Variants in HAUS1 observed in about 807,000 individuals in gnomAD.
HAUS1 encodes HAUS augmin-like complex subunit 1.
HAUS1 carries 25 observed loss-of-function variants against 38.6 expected under a neutral mutation model. The observed-to-expected ratio is 0.65, with a 90% CI of 0.47 to 0.91. The LOEUF (loss-of-function observed/expected upper bound fraction) is 0.91. Among genes scored for constraint, HAUS1 ranks in the 40% least tolerant of loss-of-function variants. The pLI, the probability that HAUS1 is intolerant of heterozygous loss-of-function variation, is 0.00. For synonymous variants in HAUS1, 109 were observed against 112.9 expected, an observed-to-expected ratio of 0.97 and a Z score of 0.22; for missense variants, 325 against 328.4, an observed-to-expected ratio of 0.99 and a Z score of 0.08.
chr18:46,114,565 T>C (rs1260956030), intron 2 of HAUS1, among the ~76,000 whole-genome samples: 1 of 152,172 alleles, frequency 6.6e-6, no homozygotes, highest in Non-Finnish European at 1.5e-5. Context: ...CAGCTTGCCT[T>C]ACTCAAGGAG....
At chr18:46,126,415 TGGA>T (rs1912106523) in intron 8 of HAUS1, among the ~76,000 whole-genome samples, 1 of 152,148 alleles carries the variant, frequency 6.6e-6, no homozygotes, top group African/African-American at 2.4e-5. Flanking sequence ...AGCTGAAACA[TGGA>T]GGACTTACTC....
rs1353166569 is a variant in HAUS1, at chr18:46,128,107, A to T, written c.819A>T (p.Val273=). 1 of 1,591,424 alleles carries T rather than the reference A, an allele frequency of 6.3e-7. No individual in the cohort carries two copies. The highest frequency in any genetic ancestry group is 8.5e-7 in the Non-Finnish European group (1 of 1,171,136). The change falls in exon 9 of 9, where the codon GTA becomes GTT. Residue 273 remains valine (V), a synonymous_variant. Coordinates refer to ENST00000282058, the MANE Select transcript of HAUS1 (RefSeq NM_138443.4). The stretch of plus-strand genomic sequence containing the variant: ...TTGAAGCTGAACTTACAAGAAGAGT[A>T]GACATGATGGAACTGTGACAAAAGC... ...DSIEAELTRR[V]DMMEL
At chr18:46,111,681 C>T (rs1031388010) in intron 2 of HAUS1, among the ~76,000 whole-genome samples, 1 of 151,716 alleles carries the variant, frequency 6.6e-6, no homozygotes, top group Non-Finnish European at 1.5e-5. Flanking sequence ...TGGTCTTGAA[C>T]CCCTGACCTC....
chr18:46,126,012 C>CA (rs1568267347), intron 8 of HAUS1: 1 of 358,508 alleles, frequency 2.8e-6, no homozygotes, highest in Non-Finnish European at 5.1e-6. Context: ...CACAGTGGCT[C>CA]ACACCTGTAA....
At position 46,118,304 on chromosome 18, in the gene HAUS1, C is replaced by A; in HGVS notation, c.329C>A (p.Thr110Asn). The change falls in exon 3 of 9, where the codon ACC (threonine) becomes AAC (asparagine). Residue 110 changes from threonine to asparagine, a missense_variant. Transcript: ENST00000282058. ...GCGGTGGCCCTTGAAACAAAGGATA[C>A]CTCGCTAGCTAGGTAATTCTTATGA... ...DSAVALETKD[T>N]SLASFIPAVN... 6.2e-7 allele frequency: 1 copy of A among 1,613,532 alleles called. No homozygotes were observed. Among genetic ancestry groups the A allele is most frequent in the South Asian group, 1.1e-5 (1 of 91,048 alleles).
intron 2 of HAUS1, among the ~76,000 whole-genome samples, chr18:46,108,244 C>G (rs371304445): frequency 4.0e-5 from 6 of 151,190 alleles, no homozygotes; most frequent in Middle Eastern, 3.5e-3. Context: ...TTGTAGACAC[C>G]CTTTGTCAAT....
In HAUS1 at chr18:46,104,417, G is replaced by T. The variant is rs1201445148; in HGVS notation, c.6G>T (p.Glu2Asp). 6.8e-7 allele frequency: 1 copy of T among 1,463,154 alleles called. No homozygotes were observed. The highest frequency in any genetic ancestry group is 1.4e-5 in the South Asian group (1 of 72,492). 90.6% of individuals were successfully genotyped at this position (1,463,154 alleles called of 1,614,324 possible). Residue 2 changes from glutamate (E) to aspartate (D), a missense_variant, in exon 1 of 9, where the codon GAG becomes GAT. Physicochemically the swap from Glu to Asp is conservative, Grantham distance 45. Transcript: ENST00000282058. M[E>D]PQEERETQVA... is the part of the protein sequence containing the mutation. The stretch of plus-strand genomic sequence containing the variant: ...AAGTGGCGGGAGCCGCAGCTATGGA[G>T]CCGCAGGAGGAGAGAGAAACGCAGG...
intron 7 of HAUS1, 123 bp from the exon 8 acceptor site, chr18:46,125,621 A>G: frequency 1.6e-6 from 1 of 611,306 alleles, no homozygotes; most frequent in Non-Finnish European, 3.0e-6. Flanking sequence ...TTTCAGTGTT[A>G]TATGTACATT....
chr18:46,125,961 G>T lies in HAUS1; in HGVS notation c.786+170G>T. 1.7e-5 allele frequency: 9 copies of T among 540,200 alleles called. No individual in the cohort carries two copies. In the South Asian group the frequency reaches 2.0e-4, roughly 12 times the overall value. The allele number at this position is 540,200 out of a possible 1,614,324, so 33.5% of individuals were successfully genotyped here. On this transcript the variant is annotated intron_variant, in intron 8 of 8. Transcript: ENST00000282058. ...TTAATACTTTTTTGGCTGTGTACGT[G>T]TGTATATATTTTTTCCATTAAGAAA... is the stretch of plus-strand genomic sequence containing the variant.
chr18:46,109,343 C>T (rs567910991), intron 2 of HAUS1, among the ~76,000 whole-genome samples: 15 of 152,236 alleles, frequency 9.9e-5, no homozygotes, highest in African/African-American at 3.4e-4. Context: ...AGTCCCCTCC[C>T]CTGACACGTG....
At chr18:46,124,274 G>A (rs528989555) in intron 6 of HAUS1, among the ~76,000 whole-genome samples, 1 of 152,020 alleles carries the variant, frequency 6.6e-6, no homozygotes, top group Non-Finnish European at 1.5e-5. Flanking sequence ...GCCAGGCATG[G>A]TGGCACATGC....
At chr18:46,125,067 T>C (rs184683775) in intron 7 of HAUS1, among the ~76,000 whole-genome samples, 174 bp downstream of exon 7, 19 of 151,812 alleles carry the variant, frequency 1.3e-4, no homozygotes, top group Non-Finnish European at 2.4e-4. Flanking sequence ...AGAGACCAGC[T>C]TGGCTAATAT....
intron 2 of HAUS1, among the ~76,000 whole-genome samples, chr18:46,106,468 CAAAAAAAA>C (rs1158577669): frequency 9.5e-6 from 1 of 105,134 alleles, no homozygotes; most frequent in African/African-American, 3.7e-5. Context: ...GACTCCGTCT[CAAAAAAAA>C]AAAAAGAAAA....
intron 2 of HAUS1, among the ~76,000 whole-genome samples, chr18:46,108,809 A>C (rs140555764): frequency 0.015 from 2,222 of 152,184 alleles, 23 homozygotes; most frequent in Non-Finnish European, 0.024. Context: ...TGATGGCTCA[A>C]GCCTGTAATC....
At position 46,117,549 on chromosome 18, in the gene HAUS1, C is replaced by T. The variant is rs151003759; in HGVS notation, c.206-632C>T. Among the ~76,000 whole-genome samples, 252 of 152,088 alleles carry T rather than the reference C, an allele frequency of 1.7e-3. 1 individual carries two copies. Among genetic ancestry groups the T allele is most frequent in the East Asian group, 0.016 (81 of 5,158 alleles). ...GATTAGGAAGTGATGACTAAGGGGG[C>T]CGGGTATGGTGGCTCACACCTGTAA... On this transcript the variant is annotated intron_variant, in intron 2 of 8. Transcript: ENST00000282058.
intron 2 of HAUS1, among the ~76,000 whole-genome samples, chr18:46,106,027 T>C (rs1158327129): frequency 6.6e-6 from 1 of 152,234 alleles, no homozygotes; most frequent in East Asian, 1.9e-4. Context: ...ATCTGTTTTT[T>C]CTGTTTCCGG....
At position 46,121,411 on chromosome 18, in the gene HAUS1, C is replaced by G. The variant is rs137934359; in HGVS notation, c.477-1056C>G. Among the ~76,000 whole-genome samples the G allele has an allele frequency of 4.6e-3, 696 of 152,008 alleles. 5 individuals carry two copies. The highest frequency in any genetic ancestry group is 0.038 in the Middle Eastern group (11 of 292). On this transcript the variant is annotated intron_variant, in intron 4 of 8. Transcript: ENST00000282058. ...TTCACCATGTTGGCCAGGCTGGTCT[C>G]GAACTTCATGTCACATTTAGTACAG...
At chr18:46,126,916 C>T (rs1912124993) in intron 8 of HAUS1, 1 of 151,740 alleles carries the variant, frequency 6.6e-6, no homozygotes, top group Admixed American at 6.6e-5. Context: ...ATCACTGCAA[C>T]CTCCACCTCC....
intron 3 of HAUS1, 34 bp downstream of exon 3, chr18:46,118,350 A>C: frequency 6.2e-7 from 1 of 1,605,358 alleles, no homozygotes; most frequent in Non-Finnish European, 8.5e-7. Context: ...TTCCGCAATC[A>C]TATCTGCTAT....
Sources: allele counts gnomAD v4.1 joint callset (sites outside exome capture counted in the v4.1 genomes callset), GRCh38; gene constraint gnomAD v4.1.1; transcripts MANE v1.5; gene names NCBI Gene and HGNC (gene_info 2026-07-23, HGNC 2026-07-21).